The following IRF2 variants were observed in gnomAD, a reference collection of about 807,000 sequenced individuals.
The protein encoded by IRF2 is interferon regulatory factor 2.
A neutral mutation model predicts 40.6 loss-of-function variants in IRF2; 15 were observed. The ratio of observed to expected loss-of-function variants is 0.37; its 90% CI spans 0.25 to 0.57. The LOEUF (loss-of-function observed/expected upper bound fraction) is 0.57, where lower values mean the gene tolerates loss of function less well. IRF2 is among the 20% of genes least tolerant of loss of function. The pLI is 0.77. For synonymous variants in IRF2, 151 were observed against 165.5 expected, an observed-to-expected ratio of 0.91 and a Z score of 0.67; for missense variants, 317 against 455.7, an observed-to-expected ratio of 0.70 and a Z score of 2.77.
intron 7 of IRF2, among the ~76,000 whole-genome samples, chr4:184,392,842 G>A (rs1736306449): frequency 2.0e-5 from 3 of 152,118 alleles, no homozygotes; most frequent in African/African-American, 4.8e-5. Context: ...GAGTGATCGC[G>A]GTGGGCTGGC....
At chr4:184,455,301 CTTTT>C (rs1238177005) in intron 1 of IRF2, among the ~76,000 whole-genome samples, 5 of 31,928 alleles carry the variant, frequency 1.6e-4, no homozygotes, top group Admixed American at 5.9e-4. Context: ...CCTTCTTCTT[CTTTT>C]TTTTTTTTTT....
At chr4:184,450,934 C>T (rs1177877969) in intron 1 of IRF2, among the ~76,000 whole-genome samples, 1 of 152,160 alleles carries the variant, frequency 6.6e-6, no homozygotes, top group East Asian at 1.9e-4. Context: ...ATTTCACATG[C>T]CCTCCTCCTC....
At chr4:184,454,127 CT>C (rs1738827690) in intron 1 of IRF2, among the ~76,000 whole-genome samples, 1 of 152,180 alleles carries the variant, frequency 6.6e-6, no homozygotes, top group Non-Finnish European at 1.5e-5. Flanking sequence ...ATCTTTTCCC[CT>C]GGATGAGAGT....
intron 1 of IRF2, among the ~76,000 whole-genome samples, chr4:184,447,672 A>G (rs1738562732): frequency 6.6e-6 from 1 of 152,254 alleles, no homozygotes; most frequent in Non-Finnish European, 1.5e-5. Context: ...AAAAGCATGT[A>G]TCACCTGTAA....
chr4:184,461,563 C>T (rs1160894703), intron 1 of IRF2, among the ~76,000 whole-genome samples: 1 of 152,158 alleles, frequency 6.6e-6, no homozygotes, highest in Non-Finnish European at 1.5e-5. Flanking sequence ...AGATAATTTT[C>T]TTTCGTTTTA....
At chr4:184,464,235 T>A (rs1046244461) in intron 1 of IRF2, among the ~76,000 whole-genome samples, 10 of 150,064 alleles carry the variant, frequency 6.7e-5, no homozygotes, top group Non-Finnish European at 1.3e-4. Flanking sequence ...GATATGAAGA[T>A]GGGGACTGTT....
At chr4:184,397,470 C>T (rs1054588201) in intron 7 of IRF2, among the ~76,000 whole-genome samples, 1 of 151,942 alleles carries the variant, frequency 6.6e-6, no homozygotes, top group Non-Finnish European at 1.5e-5. Flanking sequence ...AAACTGTGTA[C>T]CTAAAAATGG....
chr4:184,436,793 T>C (rs1488556970), intron 1 of IRF2, among the ~76,000 whole-genome samples: 1 of 152,218 alleles, frequency 6.6e-6, no homozygotes, highest in Non-Finnish European at 1.5e-5. Flanking sequence ...TAAGAGTCAC[T>C]GGTGTGTGAG....
chr4:184,401,202 C>T (rs1736652570), intron 6 of IRF2, among the ~76,000 whole-genome samples: 1 of 152,242 alleles, frequency 6.6e-6, no homozygotes, highest in Non-Finnish European at 1.5e-5. Flanking sequence ...GTTTTAATCA[C>T]TCCAAGTATT....
intron 1 of IRF2, among the ~76,000 whole-genome samples, chr4:184,433,404 C>T (rs574886809): frequency 1.3e-5 from 2 of 152,310 alleles, no homozygotes; most frequent in South Asian, 2.1e-4. Flanking sequence ...TTCTGATAGA[C>T]TCCTCCACTG....
chr4:184,459,056 C>T (rs534063811), intron 1 of IRF2, among the ~76,000 whole-genome samples: 9 of 152,118 alleles, frequency 5.9e-5, no homozygotes, highest in Admixed American at 1.3e-4. Flanking sequence ...TACTCTGAGG[C>T]TGTTTTTACT....
chr4:184,430,669 C>T (rs549264945), intron 1 of IRF2, among the ~76,000 whole-genome samples: 2 of 152,188 alleles, frequency 1.3e-5, no homozygotes, highest in East Asian at 3.9e-4. Context: ...TTTTCCTAAC[C>T]AAATTTAAGT....
chr4:184,439,945 C>A (rs1738239926), intron 1 of IRF2, among the ~76,000 whole-genome samples: 1 of 152,212 alleles, frequency 6.6e-6, no homozygotes, highest in Non-Finnish European at 1.5e-5. Context: ...ACAAGAACAG[C>A]AGCTCTTCGT....
At chr4:184,417,052 A>T (rs997610050) in intron 5 of IRF2, among the ~76,000 whole-genome samples, 7 of 151,236 alleles carry the variant, frequency 4.6e-5, no homozygotes, top group Admixed American at 2.6e-4. Context: ...ATCTCAGTTT[A>T]AAAAAAATTA....
chr4:184,446,514 G>A (rs1738514785), intron 1 of IRF2, among the ~76,000 whole-genome samples: 1 of 152,190 alleles, frequency 6.6e-6, no homozygotes, highest in African/African-American at 2.4e-5. Flanking sequence ...CATACACACA[G>A]GCAACTGAGT....
At chr4:184,409,904 CAA>C (rs34502222) in intron 5 of IRF2, among the ~76,000 whole-genome samples, 27 of 123,752 alleles carry the variant, frequency 2.2e-4, no homozygotes, top group Admixed American at 3.2e-4. Flanking sequence ...TTCTTAAAGA[CAA>C]AAAAAAAAAA....
chr4:184,410,493 T>A (rs7690722), intron 5 of IRF2, among the ~76,000 whole-genome samples: 1 of 152,140 alleles, frequency 6.6e-6, no homozygotes, highest in Non-Finnish European at 1.5e-5. Context: ...CAATTCTCCA[T>A]CTCTCCAACA....
rs1217857026 is a variant in IRF2 at position 184,398,979 on chromosome 4, G to A, written c.630C>T (p.Asp210=). ...CQVVEVTTES[D]EQPVSMSELY... Reference sequence around the variant, plus strand: ...GCTCGCTCATGCTGACCGGCTGCTCGTCGCTCTCAGTGGTCACCTCTACAA... The same window carrying A: ...GCTCGCTCATGCTGACCGGCTGCTCATCGCTCTCAGTGGTCACCTCTACAA... Residue 210 remains aspartate, a synonymous_variant, in exon 7 of 9, where the codon GAC becomes GAT. Transcript: ENST00000393593. 1.4e-5 allele frequency: 23 copies of A among 1,612,932 alleles called. No individual in the cohort carries two copies. The highest frequency in any genetic ancestry group is 8.8e-5 in the South Asian group (8 of 91,048).
At chr4:184,437,473 AG>A (rs1411365809) in intron 1 of IRF2, among the ~76,000 whole-genome samples, 1 of 152,228 alleles carries the variant, frequency 6.6e-6, no homozygotes. Context: ...TGCTAAGGTT[AG>A]AGGCATAAGT....
Sources: allele counts gnomAD v4.1 joint callset (sites outside exome capture counted in the v4.1 genomes callset), GRCh38; gene constraint gnomAD v4.1.1; transcripts MANE v1.5; gene names NCBI Gene and HGNC (gene_info 2026-07-23, HGNC 2026-07-21).